DMC1: variants seen among roughly 807,000 people sequenced by gnomAD.
The protein encoded by DMC1 is meiotic recombination protein DMC1 homolog.
In DMC1, 27 loss-of-function variants were observed where a neutral mutation model predicts 50.1. That is an observed-to-expected ratio of 0.54 (90% CI 0.40 to 0.74). The LOEUF (loss-of-function observed/expected upper bound fraction) is 0.74. Ranked by LOEUF, DMC1 falls within the 30% of genes least tolerant of loss-of-function variation. The pLI, the probability that DMC1 is intolerant of heterozygous loss-of-function variation, is 0.00. For missense variants in DMC1, 295 were observed against 420.2 expected, an observed-to-expected ratio of 0.70 and a Z score of 2.60; for synonymous variants, 148 against 136.1, an observed-to-expected ratio of 1.09 and a Z score of -0.61.
intron 12 of DMC1, among the ~76,000 whole-genome samples, chr22:38,524,089 C>T (rs1007953180): frequency 2.0e-5 from 3 of 152,242 alleles, no homozygotes; most frequent in South Asian, 4.1e-4. Context: ...TATCCCCTCA[C>T]CTTGGATGAC....
At chr22:38,523,324 C>T (rs2145779682) in intron 12 of DMC1, among the ~76,000 whole-genome samples, 1 of 152,320 alleles carries the variant, frequency 6.6e-6, no homozygotes, top group East Asian at 1.9e-4. Flanking sequence ...ATAATGCTTA[C>T]AGATCGATGC....
At chr22:38,515,463 A>G (rs1393815540), downstream of DMC1, among the ~76,000 whole-genome samples, 1 of 143,510 alleles carries the variant, frequency 7.0e-6, no homozygotes, top group Non-Finnish European at 1.5e-5. Flanking sequence ...GGCAACAAGA[A>G]TGAAATCCCT....
chr22:38,542,600 A>T (rs2090295859), intron 8 of DMC1, among the ~76,000 whole-genome samples: 1 of 152,224 alleles, frequency 6.6e-6, no homozygotes, highest in Admixed American at 6.5e-5. Flanking sequence ...GAGTTGGAAG[A>T]ATCAGTACTG....
chr22:38,553,270 G>A (rs1047903656), intron 6 of DMC1, among the ~76,000 whole-genome samples: 7 of 150,476 alleles, frequency 4.7e-5, no homozygotes, highest in African/African-American at 9.7e-5. Context: ...AGGCTGAGGC[G>A]GGTGGATCAC....
chr22:38,524,505 CTTCT>C (rs2090065913), intron 12 of DMC1, among the ~76,000 whole-genome samples: 1 of 152,044 alleles, frequency 6.6e-6, no homozygotes, highest in Admixed American at 6.6e-5. Context: ...TCCTCAACTT[CTTCT>C]TTCTGTCCAC....
At chr22:38,532,752 T>C (rs957867946) in intron 12 of DMC1, among the ~76,000 whole-genome samples, 1 of 152,076 alleles carries the variant, frequency 6.6e-6, no homozygotes, top group African/African-American at 2.4e-5. Context: ...CCCAAGTAGT[T>C]AGGACTACAG....
chr22:38,564,341 G>A (rs1175555558), intron 4 of DMC1, among the ~76,000 whole-genome samples: 1 of 151,774 alleles, frequency 6.6e-6, no homozygotes, highest in Non-Finnish European at 1.5e-5. Context: ...ACAGAGTCTC[G>A]CTGTGTCACC....
chr22:38,535,217 T>C (rs1257161851), intron 12 of DMC1, among the ~76,000 whole-genome samples: 1 of 151,592 alleles, frequency 6.6e-6, no homozygotes. Flanking sequence ...GAGAATCGCC[T>C]GAACCTGGGA....
downstream of DMC1, among the ~76,000 whole-genome samples, chr22:38,515,542 T>C (rs1192278136): frequency 6.6e-6 from 1 of 150,790 alleles, no homozygotes; most frequent in East Asian, 2.0e-4. Context: ...CTCATGCCTG[T>C]AATCCCAGCA....
At chr22:38,542,768 G>A (rs1031703545) in intron 8 of DMC1, among the ~76,000 whole-genome samples, 21 of 152,202 alleles carry the variant, frequency 1.4e-4, no homozygotes, top group Middle Eastern at 3.4e-3. Flanking sequence ...CAAAAAGAAC[G>A]AAACTAAAGG....
At chr22:38,510,346 T>G in the DMC1 span, among the ~76,000 whole-genome samples, 1 of 151,926 alleles carries the variant, frequency 6.6e-6, no homozygotes, top group Non-Finnish European at 1.5e-5. Context: ...TCACAGCTAC[T>G]CGAGAGCCTG....
At chr22:38,550,256 CT>C (rs1156692896) in intron 7 of DMC1, among the ~76,000 whole-genome samples, 8 of 151,718 alleles carry the variant, frequency 5.3e-5, no homozygotes, top group African/African-American at 1.9e-4. Flanking sequence ...AAAGTTAGTT[CT>C]CCCAAAGAAT....
chr22:38,511,801 G>A, the DMC1 span, among the ~76,000 whole-genome samples: 485 of 152,216 alleles, frequency 3.2e-3, 3 homozygotes, highest in Non-Finnish European at 5.0e-3. Context: ...CCAAATTTTA[G>A]CTGGGCATAT....
chr22:38,521,583 A>G (rs953162420), intron 13 of DMC1, 25 bp downstream of exon 13: 1 of 1,399,188 alleles, frequency 7.1e-7, no homozygotes, highest in African/African-American at 1.4e-5. Context: ...ACACACACAC[A>G]CACACAAAAT....
intron 12 of DMC1, among the ~76,000 whole-genome samples, chr22:38,522,609 A>G (rs2090041263): frequency 6.6e-6 from 1 of 152,168 alleles, no homozygotes; most frequent in Non-Finnish European, 1.5e-5. Flanking sequence ...ATGTGGGCTT[A>G]GAAATCATCA....
At chr22:38,547,356 T>C (rs6001150) in intron 8 of DMC1, among the ~76,000 whole-genome samples, 4,351 of 152,198 alleles carry the variant, frequency 0.029, 214 homozygotes, top group African/African-American at 0.1. Context: ...TTACAGGCAA[T>C]GGGATGGACT....
chr22:38,539,509 G>A, intron 8 of DMC1, 97 bp from the exon 9 acceptor site: 1 of 923,862 alleles, frequency 1.1e-6, no homozygotes, highest in Non-Finnish European at 1.8e-6. Context: ...TAACAGAGAA[G>A]CCAAACAATG....
At chr22:38,549,655 C>A in intron 8 of DMC1, 2 of 342,512 alleles carry the variant, frequency 5.8e-6, no homozygotes, top group South Asian at 4.8e-5. Context: ...AACTATTAAG[C>A]AACATCTTTA....
At chr22:38,533,290 G>A (rs1002825911) in intron 12 of DMC1, among the ~76,000 whole-genome samples, 17 of 151,534 alleles carry the variant, frequency 1.1e-4, no homozygotes, top group African/African-American at 4.1e-4. Context: ...AAGCTACTAG[G>A]GAGGCCGAGG....
Sources: allele counts gnomAD v4.1 joint callset (sites outside exome capture counted in the v4.1 genomes callset), GRCh38; gene constraint gnomAD v4.1.1; transcripts MANE v1.5; gene names NCBI Gene and HGNC (gene_info 2026-07-23, HGNC 2026-07-21).